The following ASCC3 variants were observed in gnomAD, a reference collection of about 807,000 sequenced individuals.
ASCC3 encodes activating signal cointegrator 1 complex subunit 3.
In ASCC3, 158 loss-of-function variants were observed where a neutral mutation model predicts 256.3. The ratio of observed to expected loss-of-function variants is 0.62; its 90% confidence interval spans 0.54 to 0.70. The LOEUF is 0.70. Among genes scored for constraint, ASCC3 ranks in the 30% least tolerant of loss-of-function variants. The pLI is 0.00. For synonymous variants in ASCC3, 948 were observed against 883.4 expected, an observed-to-expected ratio of 1.07 and a Z score of -1.30; for missense variants, 2,259 against 2,626.0, an observed-to-expected ratio of 0.86 and a Z score of 3.05.
intron 10 of ASCC3, among the ~76,000 whole-genome samples, chr6:100,742,529 G>A (rs1203458738): frequency 6.6e-6 from 1 of 152,236 alleles, no homozygotes; most frequent in Non-Finnish European, 1.5e-5. Flanking sequence ...CTCCATCCCA[G>A]GGAGAGATCA....
chr6:100,852,821 A>G lies in ASCC3; in HGVS notation c.242-4114T>C, dbSNP rs185410879. Among the ~76,000 whole-genome samples, 370 of 152,288 alleles carry G rather than the reference A, an allele frequency of 2.4e-3. 1 individual carries two copies. Among genetic ancestry groups the G allele is most frequent in the Non-Finnish European group, 4.0e-3 (271 of 68,018 alleles). On this transcript the variant is annotated intron_variant, in intron 3 of 41. Transcript: ENST00000369162. The stretch of plus-strand genomic sequence containing the variant: ...TGAATAACATAAGCTGTAAACCGGA[A>G]AACTGGCTCTACCCACCTGGCACTT...
intron 10 of ASCC3, among the ~76,000 whole-genome samples, chr6:100,738,735 T>G (rs1780295986): frequency 6.6e-6 from 1 of 152,186 alleles, no homozygotes; most frequent in Non-Finnish European, 1.5e-5. Context: ...TAAAATAGTT[T>G]TTATTTCTAA....
At chr6:100,510,193 T>A (rs1773695096) in intron 40 of ASCC3, 86 bp from the exon 41 acceptor site, 1 of 1,379,164 alleles carries the variant, frequency 7.3e-7, no homozygotes, top group Non-Finnish European at 1.0e-6. Context: ...GTTGTCTTAC[T>A]TGAAGGCCAT....
At chr6:100,586,966 T>A (rs1464505758) in intron 36 of ASCC3, among the ~76,000 whole-genome samples, 1 of 152,168 alleles carries the variant, frequency 6.6e-6, no homozygotes, top group Non-Finnish European at 1.5e-5. Context: ...AACTAAAGTT[T>A]AAAAATGACT....
chr6:100,605,494 T>C (rs927885364), intron 33 of ASCC3, 74 bp downstream of exon 33: 1 of 1,119,620 alleles, frequency 8.9e-7, no homozygotes. Context: ...GATTTTTATA[T>C]AATAAAATAT....
At chr6:100,732,227 G>A (rs564385446) in intron 10 of ASCC3, among the ~76,000 whole-genome samples, 1 of 149,456 alleles carries the variant, frequency 6.7e-6, no homozygotes, top group South Asian at 2.1e-4. Context: ...CACCTTAAAT[G>A]TGATGAACTA....
At chr6:100,786,814 A>G (rs1362681003) in intron 8 of ASCC3, among the ~76,000 whole-genome samples, 1 of 152,186 alleles carries the variant, frequency 6.6e-6, no homozygotes, top group Non-Finnish European at 1.5e-5. Flanking sequence ...CGCACTTCAG[A>G]TGATATACCA....
chr6:100,591,912 A>C (rs1325643193), intron 34 of ASCC3, among the ~76,000 whole-genome samples: 6 of 151,854 alleles, frequency 4.0e-5, no homozygotes, highest in Admixed American at 3.9e-4. Context: ...ATGAAAAAAA[A>C]CTTTCCTTGA....
chr6:100,593,230 C>T (rs1772096084), intron 34 of ASCC3, among the ~76,000 whole-genome samples: 1 of 152,020 alleles, frequency 6.6e-6, no homozygotes, highest in South Asian at 2.1e-4. Context: ...TACTAGTCCC[C>T]TGAGAGGTGT....
chr6:100,799,578 AAC>A lies in ASCC3; in HGVS notation c.1128-8_1128-7del. ...CATTCAGAAGTGCCTGTTCTCTGTA[AAC>A]ATAAAAATAGGCCTAATTTGAAATG... On this transcript the variant is annotated splice_region_variant and splice_polypyrimidine_tract_variant and intron_variant, in intron 6 of 41. Coordinates refer to ENST00000369162, the MANE Select transcript of ASCC3 (RefSeq NM_006828.4). 1.2e-6 allele frequency: 2 copies of A among 1,611,238 alleles called. No homozygotes were observed. Among genetic ancestry groups the A allele is most frequent in the Middle Eastern group, 3.3e-4 (2 of 6,050 alleles).
chr6:100,687,028 TCTCTCTCACACA>T lies in ASCC3; in HGVS notation c.2152-7288_2152-7277del, dbSNP rs202074742. On this transcript the variant is annotated intron_variant, in intron 13 of 41. Transcript: ENST00000369162. Reference sequence around the variant, plus strand: ...GTACTTAAATCTCTCTCTCTCTCTCTCTCTCTCACACACACACACACACACACACACACACAC... The same window carrying T: ...GTACTTAAATCTCTCTCTCTCTCTCTCACACACACACACACACACACACAC... Among the ~76,000 whole-genome samples the T allele has an allele frequency of 0.021, 1,832 of 89,190 alleles. 89 individuals are homozygous for T. In the East Asian group the frequency reaches 0.25, roughly 12 times the overall value. The allele number at this position is 89,190 out of a possible 152,430, so 58.5% of individuals were successfully genotyped here.
At chr6:100,833,423 C>A (rs1392470496) in intron 4 of ASCC3, among the ~76,000 whole-genome samples, 1 of 152,004 alleles carries the variant, frequency 6.6e-6, no homozygotes. Flanking sequence ...ATGTATAATA[C>A]CAAGAGTGAA....
chr6:100,864,038 A>G (rs749947432), intron 3 of ASCC3, 26 bp downstream of exon 3: 1 of 1,497,702 alleles, frequency 6.7e-7, no homozygotes, highest in Non-Finnish European at 9.0e-7. Context: ...TCTTTAAAAA[A>G]AAAAAAGAAA....
chr6:100,586,236 C>A (rs932221637), intron 36 of ASCC3, among the ~76,000 whole-genome samples: 9 of 152,208 alleles, frequency 5.9e-5, no homozygotes, highest in African/African-American at 2.2e-4. Flanking sequence ...TGGGCTCCAC[C>A]CAGTTCGAGC....
At chr6:100,589,300 A>T (rs1196045055) in intron 36 of ASCC3, among the ~76,000 whole-genome samples, 1 of 152,158 alleles carries the variant, frequency 6.6e-6, no homozygotes, top group Non-Finnish European at 1.5e-5. Flanking sequence ...AAAAGTAATA[A>T]GAAAAGCTTT....
chr6:100,849,045 G>A (rs1482526561), intron 3 of ASCC3, among the ~76,000 whole-genome samples: 1 of 152,150 alleles, frequency 6.6e-6, no homozygotes, highest in African/African-American at 2.4e-5. Flanking sequence ...GGTTGGGGCT[G>A]CAGCGAGCCA....
chr6:100,687,364 T>C (rs989629134), intron 13 of ASCC3, among the ~76,000 whole-genome samples: 13 of 151,998 alleles, frequency 8.6e-5, no homozygotes, highest in Non-Finnish European at 1.3e-4. Context: ...TAATAGTTTT[T>C]TGTTTGTTTG....
intron 32 of ASCC3, 46 bp downstream of exon 32, chr6:100,606,694 G>A: frequency 6.4e-7 from 1 of 1,554,442 alleles, no homozygotes; most frequent in Non-Finnish European, 8.7e-7. Context: ...AATTTACTCA[G>A]GGTAAAATAG....
intron 4 of ASCC3, among the ~76,000 whole-genome samples, chr6:100,825,735 A>G (rs1771272360): frequency 6.6e-6 from 1 of 152,150 alleles, no homozygotes; most frequent in African/African-American, 2.4e-5. Flanking sequence ...ACTTTCAGGT[A>G]CACCAATCAA....
Sources: gnomAD v4.1 joint callset for allele counts (sites outside exome capture counted in the v4.1 genomes callset) on GRCh38, gnomAD v4.1.1 for gene constraint, MANE v1.5 for transcripts, NCBI Gene and HGNC (gene_info 2026-07-23, HGNC 2026-07-21) for gene names.